The following TIAM1 variants were observed in gnomAD, a reference collection of about 807,000 sequenced individuals.
The protein encoded by TIAM1 is TIAM Rac1 associated GEF 1, also known as rho guanine nucleotide exchange factor TIAM1.
In TIAM1, 65 loss-of-function variants were observed where a neutral mutation model predicts 163.5. The ratio of observed to expected loss-of-function variants is 0.40; its 90% CI spans 0.33 to 0.49. TIAM1 has a LOEUF of 0.49. TIAM1 is among the 20% of genes least tolerant of loss of function. The probability of loss-of-function intolerance (pLI) is 0.77; values close to 1 mark genes in which losing one functional copy is unlikely to be tolerated. For missense variants in TIAM1, 1,789 were observed against 2,044.7 expected (o/e 0.87, Z 2.41); for synonymous variants, 833 against 810.1 (o/e 1.03, Z -0.48).
intron 2 of TIAM1, among the ~76,000 whole-genome samples, chr21:31,352,545 TAAA>T (rs35386667): frequency 7.5e-6 from 1 of 132,494 alleles, no homozygotes. Flanking sequence ...TATGTAGCTT[TAAA>T]AAAAAAAAAA....
At chr21:31,444,429 C>G (rs571456883) in intron 2 of TIAM1, among the ~76,000 whole-genome samples, 1 of 150,688 alleles carries the variant, frequency 6.6e-6, no homozygotes, top group East Asian at 1.9e-4. Flanking sequence ...TAGAATGCCA[C>G]GATGGTTTTT....
At chr21:31,384,218 C>A (rs2147180659) in intron 2 of TIAM1, among the ~76,000 whole-genome samples, 1 of 151,662 alleles carries the variant, frequency 6.6e-6, no homozygotes, top group Admixed American at 6.6e-5. Context: ...TATATAACAT[C>A]TGAAGAGGAT....
intron 2 of TIAM1, among the ~76,000 whole-genome samples, chr21:31,435,365 C>A (rs1202051827): frequency 6.6e-6 from 1 of 152,144 alleles, no homozygotes; most frequent in Non-Finnish European, 1.5e-5. Context: ...TCTAAAGATA[C>A]ATGCTTATAA....
intron 14 of TIAM1, among the ~76,000 whole-genome samples, chr21:31,185,671 C>T (rs1286691280): frequency 1.4e-5 from 2 of 145,572 alleles, no homozygotes; most frequent in African/African-American, 2.5e-5. Context: ...ACAATATCAT[C>T]ATTATAATTA....
At chr21:31,374,408 C>T (rs758507922) in intron 2 of TIAM1, among the ~76,000 whole-genome samples, 34 of 152,334 alleles carry the variant, frequency 2.2e-4, no homozygotes, top group Non-Finnish European at 3.4e-4. Flanking sequence ...ACCTCATATA[C>T]CTACATATAC....
At chr21:31,551,692 G>A (rs1027891457) in intron 1 of TIAM1, among the ~76,000 whole-genome samples, 14 of 152,142 alleles carry the variant, frequency 9.2e-5, no homozygotes, top group African/African-American at 2.9e-4. Flanking sequence ...GCAGTGAGCC[G>A]TGACTGCACT....
chr21:31,412,373 C>T (rs887207744), intron 2 of TIAM1, among the ~76,000 whole-genome samples: 1 of 151,878 alleles, frequency 6.6e-6, no homozygotes, highest in African/African-American at 2.4e-5. Context: ...AGTCCCCAGC[C>T]TTTTTGGCAC....
intron 2 of TIAM1, among the ~76,000 whole-genome samples, chr21:31,295,023 A>G (rs1018493439): frequency 6.6e-6 from 1 of 152,212 alleles, no homozygotes; most frequent in Admixed American, 6.5e-5. Context: ...GTTTTCATCT[A>G]AAAATTTCCC....
chr21:31,324,017 A>G (rs1191950444), intron 2 of TIAM1, among the ~76,000 whole-genome samples: 3 of 151,880 alleles, frequency 2.0e-5, no homozygotes, highest in African/African-American at 7.3e-5. Context: ...CAAAAAAAAA[A>G]AAAAAAATCA....
intron 1 of TIAM1, among the ~76,000 whole-genome samples, chr21:31,485,323 A>C (rs1023019767): frequency 6.6e-6 from 1 of 152,126 alleles, no homozygotes; most frequent in East Asian, 1.9e-4. Context: ...TCTCATCCTC[A>C]CATCTTACAA....
intron 4 of TIAM1, among the ~76,000 whole-genome samples, chr21:31,260,839 T>C (rs558248748): frequency 6.1e-4 from 93 of 152,258 alleles, no homozygotes; most frequent in African/African-American, 2.2e-3. Context: ...AGATGGACTT[T>C]AGGGGACCTA....
rs559978170 is a variant in TIAM1 at position 31,396,725 on chromosome 21, G to A, written c.-368-57303C>T. ...AGCACTTTGGGAGGCCAAGGTGGGC[G>A]GATCACTTGAGGTCAGGAGCTCAAG... On this transcript the variant is annotated intron_variant, in intron 2 of 28. Coordinates refer to the TIAM1 transcript ENST00000286827. Among the ~76,000 whole-genome samples, 154 of 151,808 alleles carry A rather than the reference G, an allele frequency of 1.0e-3. 1 individual carries two copies. The highest frequency in any genetic ancestry group is 2.3e-3 in the African/African-American group (96 of 41,430).
At chr21:31,137,719 T>C (rs926757294) in intron 22 of TIAM1, among the ~76,000 whole-genome samples, 16 of 151,564 alleles carry the variant, frequency 1.1e-4, no homozygotes, top group Admixed American at 1.1e-3. Flanking sequence ...GGTGTAGGCA[T>C]GTGACTTAGA....
At chr21:31,417,668 C>T (rs2043419411) in intron 2 of TIAM1, among the ~76,000 whole-genome samples, 1 of 152,192 alleles carries the variant, frequency 6.6e-6, no homozygotes, top group Non-Finnish European at 1.5e-5. Context: ...AAAGCAAGCA[C>T]TTGCCATCAG....
rs199659808 is a variant in TIAM1 at position 31,136,991 on chromosome 21, A to AC, written c.3775-951dup. On this transcript the variant is annotated intron_variant, in intron 22 of 27. Coordinates refer to ENST00000541036, the MANE Select transcript of TIAM1 (RefSeq NM_001353694.2). Reference sequence around the variant, plus strand: ...AAGAGACCATGAGGTTTAGTCGCTCACCCCCAGCGGTCACACGCTAAACTG... The same window carrying AC: ...AAGAGACCATGAGGTTTAGTCGCTCACCCCCCAGCGGTCACACGCTAAACTG... Among the ~76,000 whole-genome samples, 1,229 of 152,282 alleles carry AC rather than the reference A, an allele frequency of 8.1e-3. 9 individuals carry two copies. The highest frequency in any genetic ancestry group is 0.034 in the Middle Eastern group (10 of 294).
chr21:31,427,130 G>C (rs1187794877), intron 2 of TIAM1, among the ~76,000 whole-genome samples: 3 of 152,014 alleles, frequency 2.0e-5, no homozygotes, highest in African/African-American at 7.3e-5. Flanking sequence ...ATATTGCCCA[G>C]GTTGGACAAA....
intron 13 of TIAM1, among the ~76,000 whole-genome samples, chr21:31,192,675 G>T (rs1330676706): frequency 6.6e-6 from 1 of 152,086 alleles, no homozygotes; most frequent in African/African-American, 2.4e-5. Flanking sequence ...ATATGAGGTA[G>T]TCTTTATGTC....
intron 23 of TIAM1, among the ~76,000 whole-genome samples, chr21:31,135,578 T>G (rs2082587070): frequency 6.6e-6 from 1 of 152,150 alleles, no homozygotes; most frequent in Non-Finnish European, 1.5e-5. Context: ...CCATTTTGTC[T>G]TGATTTTTCA....
intron 2 of TIAM1, among the ~76,000 whole-genome samples, chr21:31,323,165 G>A (rs1443358127): frequency 3.3e-5 from 5 of 152,026 alleles, no homozygotes; most frequent in Non-Finnish European, 7.4e-5. Flanking sequence ...GTGCCCGCCT[G>A]TAGTCCCAGC....
Sources: gnomAD v4.1 joint callset for allele counts (sites outside exome capture counted in the v4.1 genomes callset) on GRCh38, gnomAD v4.1.1 for gene constraint, MANE v1.5 for transcripts, NCBI Gene and HGNC (gene_info 2026-07-23, HGNC 2026-07-21) for gene names.